C2CD5: variants seen among roughly 807,000 people sequenced by gnomAD.
C2CD5 encodes C2 calcium dependent domain containing 5, also known as C2 domain-containing protein 5.
A neutral mutation model predicts 130.3 loss-of-function variants in C2CD5; 109 were observed. The ratio of observed to expected loss-of-function variants is 0.84; its 90% CI spans 0.72 to 0.98. The LOEUF is 0.98. Among genes scored for constraint, C2CD5 ranks in the 50% least tolerant of loss-of-function variants. The pLI is 0.00. For missense variants in C2CD5, 996 were observed against 1,261.8 expected, an observed-to-expected ratio of 0.79 and a Z score of 3.19; for synonymous variants, 454 against 429.2, an observed-to-expected ratio of 1.06 and a Z score of -0.71.
chr12:22,472,178 G>T, intron 18 of C2CD5, 108 bp downstream of exon 18: 2 of 848,294 alleles, frequency 2.4e-6, no homozygotes, highest in African/African-American at 1.8e-5. Context: ...AATAAGGATG[G>T]TATTTTAATT....
intron 26 of C2CD5, among the ~76,000 whole-genome samples, chr12:22,453,591 T>C (rs1156445744): frequency 3.3e-5 from 5 of 152,036 alleles, no homozygotes; most frequent in Non-Finnish European, 7.4e-5. Context: ...TATCTTTAGC[T>C]CTCCTCAGTT....
chr12:22,531,091 A>C (rs1214165606), intron 3 of C2CD5, among the ~76,000 whole-genome samples: 1 of 152,186 alleles, frequency 6.6e-6, no homozygotes, highest in African/African-American at 2.4e-5. Context: ...TGGGTAATGA[A>C]GATAGACTCT....
At chr12:22,529,588 T>G (rs1951026829) in intron 3 of C2CD5, among the ~76,000 whole-genome samples, 2 of 152,184 alleles carry the variant, frequency 1.3e-5, no homozygotes, top group Non-Finnish European at 2.9e-5. Flanking sequence ...TAAGAATATT[T>G]AGTACAGTAA....
intron 4 of C2CD5, 58 bp downstream of exon 4, chr12:22,527,663 A>T: frequency 9.6e-7 from 1 of 1,037,874 alleles, no homozygotes; most frequent in Non-Finnish European, 1.4e-6. Flanking sequence ...AAATGTCTTT[A>T]AGGACAAATA....
At chr12:22,479,809 C>T (rs995524986) in intron 14 of C2CD5, among the ~76,000 whole-genome samples, 4 of 151,942 alleles carry the variant, frequency 2.6e-5, no homozygotes, top group Non-Finnish European at 5.9e-5. Flanking sequence ...TCCTTATGAG[C>T]ACTTATGTGT....
chr12:22,452,413 T>C (rs985640713), intron 26 of C2CD5, among the ~76,000 whole-genome samples: 1 of 152,064 alleles, frequency 6.6e-6, no homozygotes, highest in Non-Finnish European at 1.5e-5. Flanking sequence ...CTTCTCCCCA[T>C]GTACCCCTTT....
intron 9 of C2CD5, among the ~76,000 whole-genome samples, chr12:22,510,852 T>C (rs1949103152): frequency 6.6e-6 from 1 of 152,164 alleles, no homozygotes; most frequent in Non-Finnish European, 1.5e-5. Flanking sequence ...CAAATCTGGC[T>C]GAGCACAGTG....
At chr12:22,489,534 G>A (rs528178403) in intron 12 of C2CD5, among the ~76,000 whole-genome samples, 2 of 152,058 alleles carry the variant, frequency 1.3e-5, no homozygotes. Flanking sequence ...AAATAATCTA[G>A]AGATTATTTA....
chr12:22,459,499 T>C lies in C2CD5; in HGVS notation c.2577A>G (p.Ala859=). The C allele has an allele frequency of 6.5e-7, 1 of 1,531,036 alleles. No individual in the cohort carries two copies. The highest frequency in any genetic ancestry group is 8.8e-7 in the Non-Finnish European group (1 of 1,142,358). 94.8% of individuals were successfully genotyped at this position (1,531,036 alleles called of 1,614,324 possible). A position where few individuals can be genotyped will look rare whatever the true frequency, so the allele number is the denominator to read the frequency against. The stretch of plus-strand genomic sequence containing the variant: ...TTAATTAGACAAACTCACCTCTCTG[T>C]GCAGCTGGTATACCTGAGTTAGAAC... The part of the protein sequence containing the change: ...SASSNSGIPA[A]QRATSVDYSS... The change falls in exon 23 of 27, where the codon GCA becomes GCG. Residue 859 remains alanine, a synonymous_variant. Coordinates refer to ENST00000446597, the MANE Select transcript of C2CD5 (RefSeq NM_001286176.2).
At chr12:22,499,011 T>G (rs1305641476) in intron 10 of C2CD5, among the ~76,000 whole-genome samples, 2 of 152,184 alleles carry the variant, frequency 1.3e-5, no homozygotes, top group Admixed American at 6.5e-5. Context: ...AAAAATTATG[T>G]ATGTGAGCTA....
At chr12:22,544,270 G>C in intron 1 of C2CD5, 50 bp downstream of exon 1, 1 of 870,272 alleles carries the variant, frequency 1.1e-6, no homozygotes, top group African/African-American at 1.8e-5. Flanking sequence ...GAAGGAGCGC[G>C]CGGGGGCGCG....
At chr12:22,513,601 G>A (rs529799026) in intron 8 of C2CD5, among the ~76,000 whole-genome samples, 165 of 152,054 alleles carry the variant, frequency 1.1e-3, no homozygotes, top group Non-Finnish European at 2.2e-3. Context: ...GCTAGTTTTG[G>A]ACTTAATTTT....
chr12:22,537,243 A>T (rs1216508223), intron 2 of C2CD5, among the ~76,000 whole-genome samples: 1 of 152,166 alleles, frequency 6.6e-6, no homozygotes. Context: ...AACAAAAAAG[A>T]CTTTAGAAAA....
At position 22,474,862 on chromosome 12, in the gene C2CD5, G is replaced by A; in HGVS notation, c.1932C>T (p.Pro644=). Residue 644 remains proline, a synonymous_variant, in exon 16 of 27, where the codon CCC becomes CCT. Transcript: ENST00000446597. The stretch of plus-strand genomic sequence containing the variant: ...TTGAGCGTTGCCTAGGTTCTGGGAT[G>A]GGTGATCCTATAATCTCTTCAGATA... The part of the protein sequence containing the change: ...PEISEEIIGS[P]IPEPRQRSRL... 3 of 1,601,394 alleles carry A rather than the reference G, an allele frequency of 1.9e-6. No individual in the cohort carries two copies. The highest frequency in any genetic ancestry group is 1.7e-6 in the Non-Finnish European group (2 of 1,171,472).
At chr12:22,509,729 T>G (rs1200748640) in intron 9 of C2CD5, among the ~76,000 whole-genome samples, 1 of 152,200 alleles carries the variant, frequency 6.6e-6, no homozygotes, top group Admixed American at 6.5e-5. Context: ...CTGTATAACC[T>G]TTCCCATATG....
At chr12:22,455,801 C>G (rs1010364267) in intron 25 of C2CD5, among the ~76,000 whole-genome samples, 1 of 152,146 alleles carries the variant, frequency 6.6e-6, no homozygotes, top group Non-Finnish European at 1.5e-5. Context: ...TCTCGTGCCT[C>G]AGCCTCCTGA....
chr12:22,542,736 T>G (rs1465023379), intron 2 of C2CD5, among the ~76,000 whole-genome samples: 1 of 152,228 alleles, frequency 6.6e-6, no homozygotes, highest in Non-Finnish European at 1.5e-5. Flanking sequence ...TGTGGAGGTT[T>G]GCAAGCTATG....
At chr12:22,457,304 C>T (rs942167777) in intron 24 of C2CD5, 143 bp from the exon 25 acceptor site, 15 of 497,890 alleles carry the variant, frequency 3.0e-5, no homozygotes, top group African/African-American at 2.8e-4. Flanking sequence ...TTATCATGCA[C>T]TGCATGCAAT....
chr12:22,504,724 T>C (rs1033864660), intron 10 of C2CD5, among the ~76,000 whole-genome samples: 3 of 152,242 alleles, frequency 2.0e-5, no homozygotes, highest in Non-Finnish European at 2.9e-5. Context: ...CAATGGTCCA[T>C]AGAAACACAG....
Sources: allele counts gnomAD v4.1 joint callset (sites outside exome capture counted in the v4.1 genomes callset), GRCh38; gene constraint gnomAD v4.1.1; transcripts MANE v1.5; gene names NCBI Gene and HGNC (gene_info 2026-07-23, HGNC 2026-07-21).